RPS6KC1: variants seen among roughly 807,000 people sequenced by gnomAD.
RPS6KC1 encodes inactive ribosomal protein S6 kinase delta-1.
RPS6KC1 carries 54 observed loss-of-function variants against 103.8 expected under a neutral mutation model. The observed-to-expected ratio is 0.52, with a 90% CI of 0.42 to 0.65. The LOEUF (loss-of-function observed/expected upper bound fraction) is 0.65, where lower values mean the gene tolerates loss of function less well. RPS6KC1 is among the 30% of genes least tolerant of loss of function. RPS6KC1 has a pLI of 0.00. For missense variants in RPS6KC1, 1,151 were observed against 1,253.8 expected (o/e 0.92, Z 1.24); for synonymous variants, 439 against 438.7 (o/e 1.00, Z -0.01).
chr1:213,828,214 C>T, the RPS6KC1 span, among the ~76,000 whole-genome samples: 7 of 152,134 alleles, frequency 4.6e-5, no homozygotes, highest in East Asian at 1.4e-3. Context: ...GTGGGGTCCA[C>T]ACTCACATGC....
chr1:213,211,587 T>C (rs570366096), intron 8 of RPS6KC1, among the ~76,000 whole-genome samples: 67 of 152,352 alleles, frequency 4.4e-4, no homozygotes, highest in African/African-American at 1.6e-3. Context: ...AATAGATGTA[T>C]TGGCCTAGAA....
chr1:213,323,904 T>C, the RPS6KC1 span, among the ~76,000 whole-genome samples: 6 of 152,212 alleles, frequency 3.9e-5, no homozygotes, highest in African/African-American at 9.7e-5. Context: ...ACTCTTGGTG[T>C]TGTACATTCT....
chr1:213,752,783 C>T, the RPS6KC1 span, among the ~76,000 whole-genome samples: 1 of 152,186 alleles, frequency 6.6e-6, no homozygotes, highest in Admixed American at 6.5e-5. Context: ...ATGGATTGAG[C>T]ATGGGAAAAG....
chr1:213,523,227 A>G, the RPS6KC1 span, among the ~76,000 whole-genome samples: 1 of 152,252 alleles, frequency 6.6e-6, no homozygotes, highest in Non-Finnish European at 1.5e-5. Flanking sequence ...ATTTTTATGG[A>G]TTAAGTTCAC....
intron 13 of RPS6KC1, 72 bp downstream of exon 13, chr1:213,261,712 T>C: frequency 2.3e-6 from 3 of 1,314,894 alleles, no homozygotes; most frequent in East Asian, 4.6e-5. Flanking sequence ...AACATTAGCC[T>C]TCACCCTTAG....
the RPS6KC1 span, chr1:213,843,600 A>G: frequency 6.6e-6 from 1 of 152,190 alleles, no homozygotes; most frequent in Non-Finnish European, 1.5e-5. Flanking sequence ...ATTCCAGTGA[A>G]TTTTAGAAAA....
the RPS6KC1 span, among the ~76,000 whole-genome samples, chr1:213,381,400 C>T: frequency 2.6e-5 from 4 of 151,936 alleles, no homozygotes; most frequent in African/African-American, 9.7e-5. Flanking sequence ...TTGCACCTGC[C>T]GAGTCCCCCC....
the RPS6KC1 span, among the ~76,000 whole-genome samples, chr1:213,613,422 C>T: frequency 6.6e-6 from 1 of 152,212 alleles, no homozygotes; most frequent in African/African-American, 2.4e-5. Flanking sequence ...GTGCAAGCTC[C>T]AGTTAACACT....
the RPS6KC1 span, among the ~76,000 whole-genome samples, chr1:213,302,196 A>G: frequency 6.6e-6 from 1 of 152,222 alleles, no homozygotes; most frequent in Non-Finnish European, 1.5e-5. Flanking sequence ...GAACAGAGGA[A>G]AGTCTCTAAT....
At chr1:213,537,883 T>C in the RPS6KC1 span, among the ~76,000 whole-genome samples, 3 of 152,242 alleles carry the variant, frequency 2.0e-5, no homozygotes, top group Non-Finnish European at 2.9e-5. Context: ...TATTGGCTCT[T>C]ATGAACATGG....
At chr1:213,252,097 TCTCTTTG>T (rs1302337527) in intron 12 of RPS6KC1, among the ~76,000 whole-genome samples, 1 of 152,234 alleles carries the variant, frequency 6.6e-6, no homozygotes, top group Non-Finnish European at 1.5e-5. Flanking sequence ...TGTGTTTCTT[TCTCTTTG>T]CTCTTTAGTC....
At chr1:213,289,412 A>T in the RPS6KC1 span, among the ~76,000 whole-genome samples, 1 of 152,162 alleles carries the variant, frequency 6.6e-6, no homozygotes, top group South Asian at 2.1e-4. Flanking sequence ...CATGGTGGGA[A>T]ATCCCAACAC....
At chr1:213,501,278 GA>G in the RPS6KC1 span, among the ~76,000 whole-genome samples, 2 of 152,102 alleles carry the variant, frequency 1.3e-5, no homozygotes, top group Non-Finnish European at 2.9e-5. Context: ...GTCATTTTGA[GA>G]AAAACAAAAG....
chr1:213,823,144 C>T, the RPS6KC1 span, among the ~76,000 whole-genome samples: 1 of 152,186 alleles, frequency 6.6e-6, no homozygotes, highest in African/African-American at 2.4e-5. Flanking sequence ...TCTCACTCCA[C>T]TCATTCAAGG....
At chr1:213,572,073 G>C in the RPS6KC1 span, among the ~76,000 whole-genome samples, 2 of 152,182 alleles carry the variant, frequency 1.3e-5, no homozygotes, top group African/African-American at 4.8e-5. Flanking sequence ...ACACTGTCTC[G>C]AGGGGATGCA....
the RPS6KC1 span, among the ~76,000 whole-genome samples, chr1:213,625,557 C>T: frequency 2.6e-5 from 4 of 152,104 alleles, no homozygotes; most frequent in African/African-American, 9.7e-5. Flanking sequence ...TTAGGTATAT[C>T]TCCAAATGCT....
At chr1:213,343,357 G>A in the RPS6KC1 span, among the ~76,000 whole-genome samples, 887 of 57,712 alleles carry the variant, frequency 0.015, 15 homozygotes, top group African/African-American at 0.039. Flanking sequence ...GAAGGCTGAA[G>A]AGAGGAGCTT....
chr1:213,502,260 T>C, the RPS6KC1 span, among the ~76,000 whole-genome samples: 1 of 152,142 alleles, frequency 6.6e-6, no homozygotes, highest in African/African-American at 2.4e-5. Flanking sequence ...GGATGACAGA[T>C]TGAGAATGGC....
chr1:213,171,501 CAAT>C (rs1331243039), intron 7 of RPS6KC1, among the ~76,000 whole-genome samples: 3 of 151,776 alleles, frequency 2.0e-5, no homozygotes, highest in Admixed American at 6.6e-5. Context: ...TAGAAAAAGA[CAAT>C]AAATGATCTA....
Sources: allele counts gnomAD v4.1 joint callset (sites outside exome capture counted in the v4.1 genomes callset), GRCh38; gene constraint gnomAD v4.1.1; transcripts MANE v1.5; gene names NCBI Gene and HGNC (gene_info 2026-07-23, HGNC 2026-07-21).